The following SLC16A12 variants were observed in gnomAD, a reference collection of about 807,000 sequenced individuals.
The protein encoded by SLC16A12 is solute carrier family 16 member 12.
In SLC16A12, 17 loss-of-function variants were observed where a neutral mutation model predicts 42.4. The ratio of observed to expected loss-of-function variants is 0.40; its 90% CI spans 0.27 to 0.60. The LOEUF is 0.60. SLC16A12 is among the 20% of genes least tolerant of loss of function. SLC16A12 has a pLI of 0.42. For synonymous variants in SLC16A12, 224 were observed against 229.4 expected (o/e 0.98, Z 0.21); for missense variants, 544 against 623.0 (o/e 0.87, Z 1.35).
chr10:89,554,674 C>T lies in SLC16A12; in HGVS notation c.-47+1208G>A, dbSNP rs952301309. Among the ~76,000 whole-genome samples the T allele has an allele frequency of 3.3e-5, 5 of 151,996 alleles. No homozygotes were observed. In the East Asian group the frequency reaches 7.7e-4, roughly 23 times the overall value. ...TATGTATGTGTGTGTTGTGGGGAAA[C>T]GGTCTTACTTTTGGTTGTTAGAGAG... is the stretch of plus-strand genomic sequence containing the variant. On this transcript the variant is annotated intron_variant, in intron 2 of 2. Transcript: ENST00000475682.
chr10:89,503,895 A>G (rs544407384), intron 2 of SLC16A12, among the ~76,000 whole-genome samples: 1 of 152,368 alleles, frequency 6.6e-6, no homozygotes, highest in East Asian at 1.9e-4. Flanking sequence ...GAGGAAGTCG[A>G]GAGCAAGCCA....
In SLC16A12 at chr10:89,542,732, T is replaced by C. The variant is rs143169409; in HGVS notation, c.-47+13150A>G. On this transcript the variant is annotated intron_variant, in intron 2 of 2. Coordinates refer to the SLC16A12 transcript ENST00000475682. ...TTTAGCCTCTCTCCCCGCCCAACTA[T>C]ACAGCTAATTTCTTGACACTGTGCC... Among the ~76,000 whole-genome samples, 792 of 152,338 alleles carry C rather than the reference T, an allele frequency of 5.2e-3. 7 individuals carry two copies. The highest frequency in any genetic ancestry group is 5.3e-3 in the Non-Finnish European group (359 of 68,016).
intron 2 of SLC16A12, among the ~76,000 whole-genome samples, chr10:89,509,911 G>T (rs574895536): frequency 6.6e-6 from 1 of 152,182 alleles, no homozygotes; most frequent in South Asian, 2.1e-4. Context: ...TACAAAATCA[G>T]TGTGCAAAAA....
intron 2 of SLC16A12, among the ~76,000 whole-genome samples, chr10:89,469,673 G>A (rs1186032517): frequency 6.6e-6 from 1 of 152,178 alleles, no homozygotes; most frequent in African/African-American, 2.4e-5. Flanking sequence ...AAGAGATAGA[G>A]TATGATGGAA....
intron 4 of SLC16A12, among the ~76,000 whole-genome samples, chr10:89,441,833 G>A (rs1841917021): frequency 6.6e-6 from 1 of 152,150 alleles, no homozygotes; most frequent in Non-Finnish European, 1.5e-5. Context: ...GGTCTCACTT[G>A]GTTTGTGGCT....
intron 2 of SLC16A12, among the ~76,000 whole-genome samples, chr10:89,492,944 G>A (rs1292112288): frequency 6.6e-6 from 1 of 151,994 alleles, no homozygotes. Flanking sequence ...GACTCATTCA[G>A]AGACTTATGA....
chr10:89,468,424 G>T (rs534940669), intron 2 of SLC16A12, among the ~76,000 whole-genome samples: 1 of 152,338 alleles, frequency 6.6e-6, no homozygotes, highest in South Asian at 2.1e-4. Context: ...GCATGTGAGT[G>T]TAAATGGAGG....
chr10:89,552,308 G>T (rs931337210), intron 2 of SLC16A12, among the ~76,000 whole-genome samples: 2 of 152,186 alleles, frequency 1.3e-5, no homozygotes, highest in African/African-American at 4.8e-5. Context: ...TATAAAGCAT[G>T]TGTTATTAAT....
chr10:89,462,908 T>C (rs1337033433), intron 2 of SLC16A12: 4 of 260,764 alleles, frequency 1.5e-5, no homozygotes, highest in Non-Finnish European at 2.9e-5. Flanking sequence ...GTAGTCTCCA[T>C]GAAAGGGATG....
chr10:89,504,359 G>A (rs1843029298), intron 2 of SLC16A12, among the ~76,000 whole-genome samples: 1 of 152,072 alleles, frequency 6.6e-6, no homozygotes, highest in Non-Finnish European at 1.5e-5. Flanking sequence ...CTGTTCCCTG[G>A]TTCATCAAGT....
intron 2 of SLC16A12, among the ~76,000 whole-genome samples, chr10:89,501,052 A>T (rs766330313): frequency 2.0e-5 from 3 of 152,168 alleles, no homozygotes; most frequent in Non-Finnish European, 4.4e-5. Context: ...ATAGCTGCAA[A>T]AACAAAAAAC....
At position 89,467,876 on chromosome 10, in the gene SLC16A12, G is replaced by GA. The variant is rs575772080; in HGVS notation, c.-46-5253dup. ...CTATCATTTATTGATATGGCACATT[G>GA]AAAATGAGGTGATTATTCAGTAGAG... On this transcript the variant is annotated intron_variant, in intron 2 of 7. Transcript: ENST00000371790. 214 of 152,256 alleles carry GA rather than the reference G, an allele frequency of 1.4e-3. 1 individual carries two copies. Among genetic ancestry groups the GA allele is most frequent in the African/African-American group, 5.0e-3 (207 of 41,556 alleles). 9.4% of individuals were successfully genotyped at this position (152,256 alleles called of 1,614,324 possible). A position where few individuals can be genotyped will look rare whatever the true frequency, so the allele number is the denominator to read the frequency against.
intron 7 of SLC16A12, among the ~76,000 whole-genome samples, chr10:89,433,634 T>C (rs1369580494): frequency 6.6e-6 from 1 of 152,106 alleles, no homozygotes; most frequent in Non-Finnish European, 1.5e-5. Flanking sequence ...AAGATAAAAA[T>C]AGCATCATTT....
intron 2 of SLC16A12, among the ~76,000 whole-genome samples, chr10:89,476,287 C>T (rs138284026): frequency 2.6e-5 from 4 of 152,330 alleles, no homozygotes; most frequent in African/African-American, 9.6e-5. Flanking sequence ...GAGAACAGTG[C>T]TGCTCTCCAT....
chr10:89,493,620 T>C (rs1174249363), intron 2 of SLC16A12, among the ~76,000 whole-genome samples: 1 of 152,210 alleles, frequency 6.6e-6, no homozygotes, highest in African/African-American at 2.4e-5. Context: ...CAAGATCACA[T>C]AGAAATATGT....
chr10:89,461,628 T>C lies in SLC16A12; in HGVS notation c.200+751A>G, dbSNP rs1055481091. 2.6e-5 allele frequency among the ~76,000 whole-genome samples: 4 copies of C among 152,234 alleles called. No homozygotes were observed. The South Asian group carries it at 6.2e-4, about 24-fold the overall frequency. On this transcript the variant is annotated intron_variant, in intron 3 of 7. Transcript: ENST00000371790. ...GCCATCAGTTTGCCCATAGTGTTTT[T>C]CTTGATTTATGAATTATAGATCACA...
chr10:89,546,074 A>G (rs1376054551), intron 2 of SLC16A12, among the ~76,000 whole-genome samples: 28 of 152,186 alleles, frequency 1.8e-4, no homozygotes, highest in Non-Finnish European at 4.4e-5. Context: ...GTAAAACCCA[A>G]AACCATAAAA....
intron 2 of SLC16A12, among the ~76,000 whole-genome samples, chr10:89,522,372 G>T (rs1165112631): frequency 6.6e-6 from 1 of 151,926 alleles, no homozygotes; most frequent in Non-Finnish European, 1.5e-5. Flanking sequence ...CCCTCTTCTT[G>T]GCTGCTAGAC....
At chr10:89,509,189 C>T (rs1470920223) in intron 2 of SLC16A12, among the ~76,000 whole-genome samples, 1 of 152,200 alleles carries the variant, frequency 6.6e-6, no homozygotes, top group African/African-American at 2.4e-5. Flanking sequence ...GGTACCATTC[C>T]TTCTGAAACT....
Sources: allele counts gnomAD v4.1 joint callset (sites outside exome capture counted in the v4.1 genomes callset), GRCh38; gene constraint gnomAD v4.1.1; transcripts MANE v1.5; gene names NCBI Gene and HGNC (gene_info 2026-07-23, HGNC 2026-07-21).